PCDHGA8: variants seen among roughly 807,000 people sequenced by gnomAD.
PCDHGA8 encodes protocadherin gamma subfamily A, 8.
PCDHGA8 carries 45 observed loss-of-function variants against 59.2 expected under a neutral mutation model. The observed-to-expected ratio is 0.76, with a 90% CI of 0.60 to 0.98. The LOEUF is 0.98. Among genes scored for constraint, PCDHGA8 ranks in the 50% least tolerant of loss-of-function variants. The pLI is 0.00. For missense variants in PCDHGA8, 1,257 were observed against 1,196.2 expected (o/e 1.05, Z -0.75); for synonymous variants, 531 against 519.0 (o/e 1.02, Z -0.32).
chr5:141,418,102 C>T (rs760484009), intron 1 of PCDHGA8: 15 of 1,614,014 alleles, frequency 9.3e-6, no homozygotes, highest in Non-Finnish European at 1.3e-5. Context: ...ACGCGCAGAG[C>T]GGGGACTTAC....
intron 3 of PCDHGA8, among the ~76,000 whole-genome samples, chr5:141,507,803 G>GAC (rs2099863701): frequency 6.6e-6 from 1 of 152,228 alleles, no homozygotes; most frequent in Admixed American, 6.5e-5. Flanking sequence ...CCTGCGCCCT[G>GAC]GGGAACGGAC....
chr5:141,473,894 T>C (rs1224416966), intron 1 of PCDHGA8, among the ~76,000 whole-genome samples: 1 of 152,134 alleles, frequency 6.6e-6, no homozygotes, highest in Non-Finnish European at 1.5e-5. Context: ...GTTCTGTTGG[T>C]TCATGAAGAG....
Position 141,490,151 on chromosome 5 carries a change from T to A in PCDHGA8, c.2425-4656T>A, listed in dbSNP as rs1449636059. 6.2e-6 allele frequency: 10 copies of A among 1,614,210 alleles called. No homozygotes were observed. The highest frequency in any genetic ancestry group is 8.5e-6 in the Non-Finnish European group (10 of 1,180,018). On this transcript the variant is annotated intron_variant, in intron 1 of 3. Transcript: ENST00000398604. This position sits in a 1 kb window ranked among gnomAD's most constrained non-coding sequence, Gnocchi z 5.4. ...GACCCTAGCAGTGGGGCAATCCATG[T>A]GTTGGGTCCCATAGACTTTGAGGAG... is the stretch of plus-strand genomic sequence containing the variant.
rs1554175372 is a variant in PCDHGA8, at chr5:141,490,827, G to A, written c.2425-3980G>A. ...CCTTTGACTATGAATTGCTGCAGAT[G>A]CTGCAGATTGTGGTGGGGGTTCGAG... On this transcript the variant is annotated intron_variant, in intron 1 of 3. Transcript: ENST00000398604. This position sits in a 1 kb window ranked among gnomAD's most constrained non-coding sequence, Gnocchi z 5.4. 1 of 1,613,744 alleles carries A rather than the reference G, an allele frequency of 6.2e-7. No individual in the cohort carries two copies. Among genetic ancestry groups the A allele is most frequent in the Non-Finnish European group, 8.5e-7 (1 of 1,179,828 alleles).
At position 141,487,010 on chromosome 5, in the gene PCDHGA8, GC is replaced by G. The variant is rs2099638172; in HGVS notation, c.2425-7793del. ...TTGGGTTTCCTATCAGCTCCTGGAG[GC>G]CCCAGATCCCAGCCTGTTTGCAGTC... is the stretch of plus-strand genomic sequence containing the variant. On this transcript the variant is annotated intron_variant, in intron 1 of 3. Coordinates refer to ENST00000398604, the MANE Select transcript of PCDHGA8 (RefSeq NM_032088.2). This position sits in a 1 kb window ranked among gnomAD's most constrained non-coding sequence, Gnocchi z 5.0. 6.2e-7 allele frequency: 1 copy of G among 1,614,096 alleles called. No individual in the cohort carries two copies. Among genetic ancestry groups the G allele is most frequent in the Non-Finnish European group, 8.5e-7 (1 of 1,180,056 alleles).
chr5:141,511,129 G>A lies in PCDHGA8; in HGVS notation c.2755G>A (p.Gly919Ser). ...GCGGGATGGCAAGGCCCCAGCAGGT[G>A]GCAATGGCAACAAGAAGAAGTCGGG... ...GKRDGKAPAGGNGNKKKSGKK... is the reference protein window; with the variant it reads ...GKRDGKAPAGSNGNKKKSGKK... Residue 919 changes from glycine to serine, a missense_variant, in exon 4 of 4, where the codon GGC becomes AGC. By Grantham distance (56) the Gly-to-Ser change is moderately conservative. Coordinates refer to ENST00000398604, the MANE Select transcript of PCDHGA8 (RefSeq NM_032088.2). 1 of 1,614,204 alleles carries A rather than the reference G, an allele frequency of 6.2e-7. No individual in the cohort carries two copies. Among genetic ancestry groups the A allele is most frequent in the Non-Finnish European group, 8.5e-7 (1 of 1,180,014 alleles).
Position 141,432,110 on chromosome 5 carries a change from G to A in PCDHGA8, c.2424+36873G>A. On this transcript the variant is annotated intron_variant, in intron 1 of 3. Coordinates refer to ENST00000398604, the MANE Select transcript of PCDHGA8 (RefSeq NM_032088.2). This position sits in a 1 kb window ranked among gnomAD's most constrained non-coding sequence, Gnocchi z 6.0. ...GGCAGACACCAACGACAACCCGCCG[G>A]TCTTCCCTCAGGCCTCCTATTCCGC... 6.2e-7 allele frequency: 1 copy of A among 1,614,108 alleles called. No individual in the cohort carries two copies. Among genetic ancestry groups the A allele is most frequent in the Non-Finnish European group, 8.5e-7 (1 of 1,180,036 alleles).
At chr5:141,446,604 G>C (rs1226194089) in intron 1 of PCDHGA8, among the ~76,000 whole-genome samples, 1 of 152,134 alleles carries the variant, frequency 6.6e-6, no homozygotes, top group Non-Finnish European at 1.5e-5. Flanking sequence ...AGCCTCCTGA[G>C]TAGCTGGGAC....
chr5:141,420,846 T>C (rs2096528755), intron 1 of PCDHGA8, among the ~76,000 whole-genome samples: 1 of 152,252 alleles, frequency 6.6e-6, no homozygotes, highest in Non-Finnish European at 1.5e-5. Context: ...GTGTTCTTGG[T>C]AAAGTTTTAA....
chr5:141,469,962 C>T (rs943032320), intron 1 of PCDHGA8, among the ~76,000 whole-genome samples: 8 of 152,134 alleles, frequency 5.3e-5, no homozygotes, highest in African/African-American at 1.9e-4. Flanking sequence ...GAAACCCCAT[C>T]TGTACCAAAA....
chr5:141,414,686 C>G, intron 1 of PCDHGA8: 4 of 1,614,042 alleles, frequency 2.5e-6, no homozygotes, highest in Non-Finnish European at 3.4e-6. Flanking sequence ...CAGGGGGTAC[C>G]TCTGTCCTCA....
At position 141,402,030 on chromosome 5, in the gene PCDHGA8, A is replaced by C. The variant is rs188760101; in HGVS notation, c.2424+6793A>C. On this transcript the variant is annotated intron_variant, in intron 1 of 3. Transcript: ENST00000398604. Reference sequence around the variant, plus strand: ...ATATGCATTTGAATCATTGAAACACAGTCTGTGCATGCATTACATATTCAC... The same window carrying C: ...ATATGCATTTGAATCATTGAAACACCGTCTGTGCATGCATTACATATTCAC... Among the ~76,000 whole-genome samples the C allele has an allele frequency of 1.4e-3, 213 of 152,348 alleles. 1 individual carries two copies. The highest frequency in any genetic ancestry group is 4.8e-3 in the African/African-American group (199 of 41,586).
chr5:141,479,752 T>C (rs770200359), intron 1 of PCDHGA8: 4 of 152,236 alleles, frequency 2.6e-5, no homozygotes, highest in Non-Finnish European at 4.4e-5. Context: ...ATGTGAAAGG[T>C]AGATAAATTC....
At chr5:141,467,571 A>G (rs1228156610) in intron 1 of PCDHGA8, among the ~76,000 whole-genome samples, 1 of 152,212 alleles carries the variant, frequency 6.6e-6, no homozygotes, top group South Asian at 2.1e-4. Flanking sequence ...ATGGCTATCC[A>G]GTTGTCCCAA....
At chr5:141,414,081 T>C (rs748527220) in intron 1 of PCDHGA8, 1 of 1,601,774 alleles carries the variant, frequency 6.2e-7, no homozygotes, top group South Asian at 1.1e-5. Flanking sequence ...ACAAATATAC[T>C]GGAGAAATAA....
intron 1 of PCDHGA8, chr5:141,428,296 AT>A: frequency 1.4e-6 from 1 of 713,574 alleles, no homozygotes; most frequent in Non-Finnish European, 2.5e-6. Flanking sequence ...AAAGCTGCAG[AT>A]TTACCTGGTC....
rs79464787 is a variant in PCDHGA8, at chr5:141,480,455, T to C, written c.2425-14352T>C. Among the ~76,000 whole-genome samples the C allele has an allele frequency of 7.4e-3, 1,134 of 152,274 alleles. 17 individuals are homozygous for C. The highest frequency in any genetic ancestry group is 0.026 in the African/African-American group (1,086 of 41,548). ...CAGCTATTACTATAATTATTTTTAT[T>C]AGTTCCTCACTCACCTAAAATCTCA... On this transcript the variant is annotated intron_variant, in intron 1 of 3. Transcript: ENST00000398604.
intron 1 of PCDHGA8, chr5:141,407,890 A>C (rs2094997846): frequency 2.5e-6 from 1 of 395,960 alleles, no homozygotes. Flanking sequence ...TCGGAGACCG[A>C]ATTCAAAATG....
chr5:141,460,987 A>G (rs201722325), intron 1 of PCDHGA8, among the ~76,000 whole-genome samples: 34 of 92,988 alleles, frequency 3.7e-4, no homozygotes, highest in Middle Eastern at 5.0e-3. Flanking sequence ...GTGTGTGTAT[A>G]TATATATATG....
Sources: allele counts gnomAD v4.1 joint callset (sites outside exome capture counted in the v4.1 genomes callset), GRCh38; gene constraint gnomAD v4.1.1; non-coding constraint Gnocchi (gnomAD v3.1); transcripts MANE v1.5; gene names NCBI Gene and HGNC (gene_info 2026-07-23, HGNC 2026-07-21).